The following FHIT variants were observed in gnomAD, a reference collection of about 807,000 sequenced individuals.
The protein encoded by FHIT is fragile histidine triad diadenosine triphosphatase, also known as bis(5'-adenosyl)-triphosphatase.
Under a neutral mutation model 17.9 loss-of-function variants are expected in FHIT, and 19 were observed. The ratio of observed to expected loss-of-function variants is 1.06; its 90% CI spans 0.74 to 1.56. FHIT has a LOEUF of 1.56. FHIT is among the 40% of genes most tolerant of loss of function. The pLI is 0.00. For missense variants in FHIT, 248 were observed against 189.2 expected, an observed-to-expected ratio of 1.31 and a Z score of -1.82; for synonymous variants, 81 against 69.7, an observed-to-expected ratio of 1.16 and a Z score of -0.81.
chr3:60,692,101 GTT>G (rs1577074651), intron 4 of FHIT, among the ~76,000 whole-genome samples: 1 of 152,092 alleles, frequency 6.6e-6, no homozygotes, highest in South Asian at 2.1e-4. Flanking sequence ...CCTCTAGCAG[GTT>G]TTCCACCTAG....
chr3:60,855,604 C>T (rs189253785), intron 3 of FHIT, among the ~76,000 whole-genome samples: 32 of 152,218 alleles, frequency 2.1e-4, no homozygotes, highest in Non-Finnish European at 4.0e-4. Flanking sequence ...GTGATTTCAG[C>T]ACTATCACTT....
Position 60,911,057 on chromosome 3 carries a change from T to C in FHIT, c.-110-89046A>G, listed in dbSNP as rs376489261. On this transcript the variant is annotated intron_variant, in intron 3 of 9. Coordinates refer to ENST00000492590, the MANE Select transcript of FHIT (RefSeq NM_002012.4). ...AAAAAATGAGAACCAATGCTGTTTT[T>C]GACTTTCAGAGTATCTATCATAAGC... 1.6e-4 allele frequency among the ~76,000 whole-genome samples: 24 copies of C among 152,344 alleles called. No homozygotes were observed. In the South Asian group the frequency reaches 2.9e-3, roughly 18 times the overall value.
intron 5 of FHIT, among the ~76,000 whole-genome samples, chr3:60,307,516 G>A (rs1394451090): frequency 6.6e-6 from 1 of 152,146 alleles, no homozygotes; most frequent in Non-Finnish European, 1.5e-5. Flanking sequence ...AATCTTCAGT[G>A]TGTTGTTTGA....
chr3:61,183,750 C>T (rs1410982266), intron 2 of FHIT, among the ~76,000 whole-genome samples: 2 of 152,072 alleles, frequency 1.3e-5, no homozygotes, highest in African/African-American at 2.4e-5. Context: ...AATAATGGTC[C>T]ACAATGTCAC....
intron 5 of FHIT, among the ~76,000 whole-genome samples, chr3:60,104,482 C>CT (rs35294469): frequency 0.59 from 87,627 of 147,408 alleles, 26,319 homozygotes; most frequent in Non-Finnish European, 0.64. Flanking sequence ...GTGAATTAAA[C>CT]TTTTTTTTTT....
At chr3:61,248,201 G>C (rs939073003) in intron 1 of FHIT, among the ~76,000 whole-genome samples, 5 of 152,224 alleles carry the variant, frequency 3.3e-5, no homozygotes, top group African/African-American at 1.2e-4. Flanking sequence ...AGAGATGTGG[G>C]AACAGGGTGC....
At chr3:60,026,590 T>C (rs1296385508) in intron 5 of FHIT, among the ~76,000 whole-genome samples, 1 of 152,220 alleles carries the variant, frequency 6.6e-6, no homozygotes, top group Non-Finnish European at 1.5e-5. Context: ...AATCATCTTA[T>C]AATCATTTAG....
rs17063581 is a variant in FHIT, at chr3:60,585,549, G to A, written c.-17-48570C>T. 5.4e-3 allele frequency among the ~76,000 whole-genome samples: 827 copies of A among 152,102 alleles called. 4 individuals carry two copies. The highest frequency in any genetic ancestry group is 0.019 in the African/African-American group (794 of 41,532). ...GAAATTCCAAGACTTAAAAAATCTT[G>A]CAGTGAAAGCAAGAAAGACCTATCA... On this transcript the variant is annotated intron_variant, in intron 4 of 9. Transcript: ENST00000492590.
chr3:60,227,710 T>C (rs1704284635), intron 5 of FHIT, among the ~76,000 whole-genome samples: 1 of 152,180 alleles, frequency 6.6e-6, no homozygotes. Context: ...TAGGTATCAG[T>C]CAGTGCTCTG....
At chr3:60,123,768 G>C (rs2107230377) in intron 5 of FHIT, among the ~76,000 whole-genome samples, 1 of 151,408 alleles carries the variant, frequency 6.6e-6, no homozygotes, top group East Asian at 2.0e-4. Flanking sequence ...GGATTAAGCA[G>C]ACCACTGCAA....
In FHIT at chr3:60,674,911, ATC is replaced by A. The variant is rs61345147; in HGVS notation, c.-17-137934_-17-137933del. On this transcript the variant is annotated intron_variant, in intron 4 of 9. Coordinates refer to ENST00000492590, the MANE Select transcript of FHIT (RefSeq NM_002012.4). ...TACCTCCACATGCCCTACCTCATGC[ATC>A]TCTCTTATTCAGTACCCTACTCTGC... is the stretch of plus-strand genomic sequence containing the variant. 9.6e-4 allele frequency among the ~76,000 whole-genome samples: 146 copies of A among 152,244 alleles called. 2 individuals carry two copies. Among genetic ancestry groups the A allele is most frequent in the African/African-American group, 3.4e-3 (143 of 41,532 alleles).
intron 5 of FHIT, among the ~76,000 whole-genome samples, chr3:60,296,628 T>A (rs1178568884): frequency 6.6e-6 from 1 of 152,036 alleles, no homozygotes; most frequent in Non-Finnish European, 1.5e-5. Flanking sequence ...CTTAGCAGAG[T>A]CTTTCAGAGA....
At chr3:59,902,003 G>C (rs1411266957) in intron 8 of FHIT, among the ~76,000 whole-genome samples, 8 of 152,114 alleles carry the variant, frequency 5.3e-5, no homozygotes, top group Non-Finnish European at 1.2e-4. Context: ...ACATAGTGAA[G>C]AGACAATTTA....
intron 2 of FHIT, among the ~76,000 whole-genome samples, chr3:61,086,827 T>C (rs936416878): frequency 3.9e-5 from 6 of 152,272 alleles, no homozygotes; most frequent in East Asian, 1.9e-4. Context: ...TTATTCTTCC[T>C]CCTTGAATTT....
At chr3:60,454,309 A>G (rs2031943548) in intron 5 of FHIT, among the ~76,000 whole-genome samples, 1 of 151,948 alleles carries the variant, frequency 6.6e-6, no homozygotes, top group African/African-American at 2.4e-5. Flanking sequence ...GCAGGCTGCT[A>G]TTTGTTGTTC....
At chr3:61,212,738 A>G (rs1288368324) in intron 1 of FHIT, among the ~76,000 whole-genome samples, 2 of 152,238 alleles carry the variant, frequency 1.3e-5, no homozygotes, top group Non-Finnish European at 2.9e-5. Context: ...AAAAATGTTA[A>G]GGGCAGCCAG....
intron 8 of FHIT, among the ~76,000 whole-genome samples, chr3:59,884,980 G>A (rs895173288): frequency 2.6e-5 from 4 of 152,148 alleles, no homozygotes; most frequent in African/African-American, 9.7e-5. Context: ...TATTCCTGTG[G>A]TTTTACATTT....
intron 3 of FHIT, among the ~76,000 whole-genome samples, chr3:60,924,216 C>A (rs1228910057): frequency 6.6e-6 from 1 of 152,210 alleles, no homozygotes; most frequent in Non-Finnish European, 1.5e-5. Context: ...AGTAGTGATT[C>A]TCCCAGCATG....
At chr3:60,614,955 G>A (rs557964685) in intron 4 of FHIT, among the ~76,000 whole-genome samples, 16 of 150,572 alleles carry the variant, frequency 1.1e-4, no homozygotes, top group East Asian at 4.0e-4. Context: ...TCAGTCTCCC[G>A]GGTAGCTGGG....
Sources: allele counts gnomAD v4.1 joint callset (sites outside exome capture counted in the v4.1 genomes callset), GRCh38; gene constraint gnomAD v4.1.1; transcripts MANE v1.5; gene names NCBI Gene and HGNC (gene_info 2026-07-23, HGNC 2026-07-21).